The following PXDNL variants were observed in gnomAD, a reference collection of about 807,000 sequenced individuals.
PXDNL encodes the protein probable oxidoreductase PXDNL.
A neutral mutation model predicts 150.8 loss-of-function variants in PXDNL; 145 were observed. That is an observed-to-expected ratio of 0.96 (90% CI 0.84 to 1.10). The LOEUF (loss-of-function observed/expected upper bound fraction) is 1.10. Among genes scored for constraint, PXDNL ranks in the 50% least tolerant of loss-of-function variants. The probability of loss-of-function intolerance (pLI) is 0.00; values close to 1 mark genes in which losing one functional copy is unlikely to be tolerated. For synonymous variants in PXDNL, 757 were observed against 725.7 expected, an observed-to-expected ratio of 1.04 and a Z score of -0.69; for missense variants, 2,087 against 1,873.9, an observed-to-expected ratio of 1.11 and a Z score of -2.10.
intron 1 of PXDNL, among the ~76,000 whole-genome samples, chr8:51,769,555 T>C (rs2037270050): frequency 6.6e-6 from 1 of 152,218 alleles, no homozygotes; most frequent in African/African-American, 2.4e-5. Context: ...TTCTGATTTG[T>C]CATTCTTCAA....
chr8:51,612,096 A>G (rs150006373), intron 2 of PXDNL, among the ~76,000 whole-genome samples: 147 of 152,338 alleles, frequency 9.6e-4, no homozygotes, highest in African/African-American at 3.4e-3. Flanking sequence ...ACCTGGCAAC[A>G]GGATAAAAGT....
chr8:51,544,401 A>G (rs56885973), intron 4 of PXDNL, among the ~76,000 whole-genome samples: 2,830 of 152,256 alleles, frequency 0.019, 37 homozygotes, highest in African/African-American at 0.034. Flanking sequence ...TCCCTATGCT[A>G]TCTTCTGCAC....
chr8:51,774,660 T>C (rs1218121897), intron 1 of PXDNL, among the ~76,000 whole-genome samples: 1 of 151,680 alleles, frequency 6.6e-6, no homozygotes, highest in African/African-American at 2.4e-5. Flanking sequence ...CTACTAAAAA[T>C]ACAAAAAATT....
chr8:51,345,120 C>T (rs930610579), intron 20 of PXDNL, among the ~76,000 whole-genome samples: 3 of 152,160 alleles, frequency 2.0e-5, no homozygotes, highest in African/African-American at 7.2e-5. Flanking sequence ...TTGAAAGAAC[C>T]TGCATGGACT....
chr8:51,501,808 G>A (rs984828596), intron 4 of PXDNL, among the ~76,000 whole-genome samples: 14 of 152,240 alleles, frequency 9.2e-5, no homozygotes, highest in Non-Finnish European at 2.9e-5. Flanking sequence ...GGCTGGGAGA[G>A]TGAAAGAGGA....
At chr8:51,480,609 T>C (rs116064198) in intron 6 of PXDNL, among the ~76,000 whole-genome samples, 208 of 152,242 alleles carry the variant, frequency 1.4e-3, no homozygotes, top group African/African-American at 4.7e-3. Flanking sequence ...CTGATATGGT[T>C]TGGCTGTGTC....
chr8:51,782,547 T>C (rs2037425012), intron 1 of PXDNL, among the ~76,000 whole-genome samples: 1 of 152,262 alleles, frequency 6.6e-6, no homozygotes, highest in Non-Finnish European at 1.5e-5. Context: ...GCAGGGCACA[T>C]AGTAGTCACT....
At chr8:51,378,068 G>A (rs915103712) in intron 17 of PXDNL, among the ~76,000 whole-genome samples, 2 of 152,230 alleles carry the variant, frequency 1.3e-5, no homozygotes, top group South Asian at 2.1e-4. Context: ...CTAGCTCAAG[G>A]TTTGTAAATG....
chr8:51,751,300 A>G (rs2130976486), intron 1 of PXDNL, among the ~76,000 whole-genome samples: 1 of 152,344 alleles, frequency 6.6e-6, no homozygotes, highest in African/African-American at 2.4e-5. Flanking sequence ...ATTGACATAT[A>G]TCACTATTAA....
chr8:51,790,662 T>C (rs1312044172), intron 1 of PXDNL, among the ~76,000 whole-genome samples: 1 of 151,862 alleles, frequency 6.6e-6, no homozygotes, highest in South Asian at 2.1e-4. Context: ...CTGTCCTCCC[T>C]GATGGGCGAG....
intron 2 of PXDNL, among the ~76,000 whole-genome samples, chr8:51,652,903 T>A (rs1815071152): frequency 6.6e-6 from 1 of 152,180 alleles, no homozygotes; most frequent in African/African-American, 2.4e-5. Context: ...TGTTCATCAA[T>A]AATTGTGTAC....
At chr8:51,377,343 G>C (rs112315883) in intron 17 of PXDNL, among the ~76,000 whole-genome samples, 1,806 of 152,082 alleles carry the variant, frequency 0.012, 41 homozygotes, top group African/African-American at 0.041. Flanking sequence ...AGGTGACAGC[G>C]TGCTGGCAGC....
At chr8:51,340,134 A>G (rs1294855443) in intron 20 of PXDNL, 3 of 155,926 alleles carry the variant, frequency 1.9e-5, no homozygotes, top group East Asian at 1.9e-4. Context: ...TTAATATAAC[A>G]TATTATCCAG....
At chr8:51,607,088 G>C (rs1338725691) in intron 2 of PXDNL, among the ~76,000 whole-genome samples, 1 of 152,238 alleles carries the variant, frequency 6.6e-6, no homozygotes, top group East Asian at 1.9e-4. Flanking sequence ...ATATATTGTG[G>C]AATATAATTT....
intron 5 of PXDNL, among the ~76,000 whole-genome samples, chr8:51,490,627 TATATATATACATATATATAC>T (rs546128757): frequency 1.4e-5 from 2 of 146,730 alleles, no homozygotes; most frequent in African/African-American, 2.6e-5. Context: ...ATGAGTCACA[TATATATATACATATATATAC>T]ATATATATAC....
At chr8:51,368,056 A>G (rs569194746) in intron 19 of PXDNL, among the ~76,000 whole-genome samples, 2 of 152,314 alleles carry the variant, frequency 1.3e-5, no homozygotes, top group African/African-American at 4.8e-5. Flanking sequence ...TGAACCCGGG[A>G]GGGAGAGGTT....
intron 1 of PXDNL, among the ~76,000 whole-genome samples, chr8:51,807,165 G>C (rs940694198): frequency 1.3e-5 from 2 of 152,144 alleles, no homozygotes; most frequent in African/African-American, 4.8e-5. Context: ...AAGAAAAGAG[G>C]TTTAATTGGT....
chr8:51,545,535 C>T (rs917063787), intron 4 of PXDNL, among the ~76,000 whole-genome samples: 11 of 152,132 alleles, frequency 7.2e-5, no homozygotes, highest in African/African-American at 1.2e-4. Context: ...TGGCTCATGG[C>T]TCTGAAGGCT....
chr8:51,675,802 A>AAAAAAG lies in PXDNL; in HGVS notation c.165-21043_165-21042insCTTTTT, dbSNP rs1163678037. Among the ~76,000 whole-genome samples the AAAAAAG allele has an allele frequency of 1.8e-4, 27 of 151,740 alleles. 1 individual carries two copies. Among genetic ancestry groups the AAAAAAG allele is most frequent in the Non-Finnish European group, 3.8e-4 (26 of 67,898 alleles). ...AGCAAGGCTCCGTCTCAAAAAAAAA[A>AAAAAAG]AAAAAAAAATTGCCCAGACTCATAA... On this transcript the variant is annotated intron_variant, in intron 1 of 22. Transcript: ENST00000356297.
Sources: allele counts gnomAD v4.1 joint callset (sites outside exome capture counted in the v4.1 genomes callset), GRCh38; gene constraint gnomAD v4.1.1; transcripts MANE v1.5; gene names NCBI Gene and HGNC (gene_info 2026-07-23, HGNC 2026-07-21).